The following RPS6KC1 variants were observed in gnomAD, a reference collection of about 807,000 sequenced individuals.
The protein encoded by RPS6KC1 is ribosomal protein S6 kinase C1.
A neutral mutation model predicts 103.8 loss-of-function variants in RPS6KC1; 54 were observed. That is an observed-to-expected ratio of 0.52 (90% CI 0.42 to 0.65). The LOEUF (loss-of-function observed/expected upper bound fraction) is 0.65, where lower values mean the gene tolerates loss of function less well. Among genes scored for constraint, RPS6KC1 ranks in the 30% least tolerant of loss-of-function variants. The pLI, the probability that RPS6KC1 is intolerant of heterozygous loss-of-function variation, is 0.00. For missense variants in RPS6KC1, 1,151 were observed against 1,253.8 expected (o/e 0.92, Z 1.24); for synonymous variants, 439 against 438.7 (o/e 1.00, Z -0.01).
the RPS6KC1 span, among the ~76,000 whole-genome samples, chr1:213,398,548 T>G: frequency 3.9e-5 from 6 of 152,240 alleles, no homozygotes; most frequent in Non-Finnish European, 8.8e-5. Context: ...TTCACCTAGG[T>G]TGTGACCCCA....
downstream of RPS6KC1, among the ~76,000 whole-genome samples, chr1:213,275,111 C>T (rs1171447580): frequency 6.6e-6 from 1 of 152,162 alleles, no homozygotes; most frequent in African/African-American, 2.4e-5. Flanking sequence ...TTTCAAGGTT[C>T]GTCCATGCTG....
At chr1:213,539,784 A>G in the RPS6KC1 span, among the ~76,000 whole-genome samples, 2 of 152,214 alleles carry the variant, frequency 1.3e-5, no homozygotes, top group African/African-American at 4.8e-5. Flanking sequence ...AAATACAGGC[A>G]TATCTCAGAA....
the RPS6KC1 span, among the ~76,000 whole-genome samples, chr1:213,729,579 T>A: frequency 6.6e-6 from 1 of 152,144 alleles, no homozygotes. Flanking sequence ...TGGAAACCTG[T>A]TGGTCTCTCA....
chr1:213,242,401 C>A, intron 11 of RPS6KC1, 104 bp downstream of exon 11: 1 of 1,373,324 alleles, frequency 7.3e-7, no homozygotes, highest in African/African-American at 1.4e-5. Flanking sequence ...CTGTCTAGAG[C>A]TTCATTATCA....
At chr1:213,204,260 C>T (rs1210824366) in intron 8 of RPS6KC1, among the ~76,000 whole-genome samples, 2 of 152,130 alleles carry the variant, frequency 1.3e-5, no homozygotes, top group Non-Finnish European at 2.9e-5. Context: ...TTTTAATACT[C>T]GATTGGAGAG....
the RPS6KC1 span, among the ~76,000 whole-genome samples, chr1:213,545,699 G>C: frequency 6.6e-6 from 1 of 151,908 alleles, no homozygotes; most frequent in Admixed American, 6.6e-5. Context: ...CACACTGGGG[G>C]GACACAATTC....
the RPS6KC1 span, among the ~76,000 whole-genome samples, chr1:213,794,842 A>T: frequency 6.6e-6 from 1 of 152,306 alleles, no homozygotes; most frequent in South Asian, 2.1e-4. Flanking sequence ...TTTAATTGGA[A>T]GCTTTAGTAG....
chr1:213,065,483 G>A (rs553589702), intron 1 of RPS6KC1, among the ~76,000 whole-genome samples: 110 of 152,206 alleles, frequency 7.2e-4, no homozygotes, highest in African/African-American at 2.6e-3. Flanking sequence ...TTTCAGTCAC[G>A]GAAGATAATT....
At chr1:213,722,756 G>A in the RPS6KC1 span, among the ~76,000 whole-genome samples, 1 of 152,222 alleles carries the variant, frequency 6.6e-6, no homozygotes, top group African/African-American at 2.4e-5. Flanking sequence ...CCAGAGGAGA[G>A]TGGGACTCCG....
chr1:213,384,153 G>A, the RPS6KC1 span, among the ~76,000 whole-genome samples: 9 of 152,092 alleles, frequency 5.9e-5, no homozygotes, highest in Non-Finnish European at 1.2e-4. Flanking sequence ...GCGGGTGCCT[G>A]TAGTCCCAGC....
the RPS6KC1 span, among the ~76,000 whole-genome samples, chr1:213,705,352 T>C: frequency 3.9e-5 from 6 of 152,224 alleles, 1 homozygote; most frequent in Admixed American, 3.9e-4. Context: ...TACTTTCCAC[T>C]CTTCCATCCC....
At position 213,104,460 on chromosome 1, in the gene RPS6KC1, T is replaced by C; in HGVS notation, c.269T>C (p.Phe90Ser). Residue 90 changes from phenylalanine (F) to serine (S), a missense_variant, in exon 4 of 15, where the codon TTT becomes TCT. Physicochemically the swap from Phe to Ser is radical, Grantham distance 155 (BLOSUM62 -2). Coordinates refer to ENST00000366960, the MANE Select transcript of RPS6KC1 (RefSeq NM_012424.6). ...PFAKGIVFGRFDETVIEERRQ... is the reference protein window; with the variant it reads ...PFAKGIVFGRSDETVIEERRQ... ...GATTCTTATTTAATTGTAGGGCGAT[T>C]TGATGAAACTGTTATCGAAGAGAGA... 6.2e-7 allele frequency: 1 copy of C among 1,602,892 alleles called. No individual in the cohort carries two copies. Among genetic ancestry groups the C allele is most frequent in the Non-Finnish European group, 8.5e-7 (1 of 1,170,826 alleles).
At chr1:213,578,438 G>A in the RPS6KC1 span, among the ~76,000 whole-genome samples, 6,442 of 152,276 alleles carry the variant, frequency 0.042, 189 homozygotes, top group East Asian at 0.11. Flanking sequence ...CCAGAATGGT[G>A]GGTCCACTGA....
the RPS6KC1 span, among the ~76,000 whole-genome samples, chr1:213,622,011 C>T: frequency 6.6e-6 from 1 of 152,152 alleles, no homozygotes; most frequent in African/African-American, 2.4e-5. Context: ...CAAGCCTCTT[C>T]CTTCTTGTTA....
the RPS6KC1 span, among the ~76,000 whole-genome samples, chr1:213,701,291 T>C: frequency 3.3e-5 from 5 of 152,086 alleles, no homozygotes; most frequent in Non-Finnish European, 5.9e-5. Flanking sequence ...AAGTGTTTTT[T>C]CAGCATCAGT....
chr1:213,763,581 G>T, the RPS6KC1 span, among the ~76,000 whole-genome samples: 1 of 152,206 alleles, frequency 6.6e-6, no homozygotes, highest in Non-Finnish European at 1.5e-5. Flanking sequence ...ATGCTGAGCA[G>T]CTTTTCTGAT....
chr1:213,407,886 T>C, the RPS6KC1 span, among the ~76,000 whole-genome samples: 2 of 152,212 alleles, frequency 1.3e-5, no homozygotes, highest in South Asian at 2.1e-4. Context: ...ATAAGCTCCA[T>C]GAGGTAAGGA....
the RPS6KC1 span, among the ~76,000 whole-genome samples, chr1:213,685,152 G>C: frequency 3.3e-5 from 5 of 152,066 alleles, no homozygotes; most frequent in African/African-American, 1.2e-4. Flanking sequence ...TCTTCTTCCT[G>C]CTTTGTTGTA....
At chr1:213,133,519 T>A (rs1233530425) in intron 6 of RPS6KC1, among the ~76,000 whole-genome samples, 1 of 152,182 alleles carries the variant, frequency 6.6e-6, no homozygotes, top group Non-Finnish European at 1.5e-5. Flanking sequence ...TTTAATATAA[T>A]GATTCTAAAA....
Sources: allele counts gnomAD v4.1 joint callset (sites outside exome capture counted in the v4.1 genomes callset), GRCh38; gene constraint gnomAD v4.1.1; transcripts MANE v1.5; gene names NCBI Gene and HGNC (gene_info 2026-07-23, HGNC 2026-07-21).